Variants in MARCHF4 observed in about 807,000 individuals in gnomAD.
The protein encoded by MARCHF4 is membrane associated ring-CH-type finger 4.
MARCHF4 carries 14 observed loss-of-function variants against 43.9 expected under a neutral mutation model. The ratio of observed to expected loss-of-function variants is 0.32; its 90% CI spans 0.21 to 0.50. MARCHF4 has a LOEUF of 0.50. Ranked by LOEUF, MARCHF4 falls within the 20% of genes least tolerant of loss-of-function variation. The pLI is 0.98. For synonymous variants in MARCHF4, 226 were observed against 213.3 expected, an observed-to-expected ratio of 1.06 and a Z score of -0.52; for missense variants, 468 against 536.7, an observed-to-expected ratio of 0.87 and a Z score of 1.27.
chr2:216,354,941 T>TTCTTTCTTTC (rs1559106628), intron 1 of MARCHF4, among the ~76,000 whole-genome samples: 3 of 141,356 alleles, frequency 2.1e-5, no homozygotes, highest in African/African-American at 8.1e-5. Flanking sequence ...CTTTCTTTCT[T>TTCTTTCTTTC]TCTTTCTTTC....
At chr2:216,288,077 C>G (rs1691246272) in intron 1 of MARCHF4, among the ~76,000 whole-genome samples, 1 of 152,202 alleles carries the variant, frequency 6.6e-6, no homozygotes, top group Non-Finnish European at 1.5e-5. Context: ...ATCCTCCCAC[C>G]TCAGCCTCTT....
At chr2:216,317,557 G>A (rs1691798866) in intron 1 of MARCHF4, among the ~76,000 whole-genome samples, 1 of 152,086 alleles carries the variant, frequency 6.6e-6, no homozygotes, top group Non-Finnish European at 1.5e-5. Flanking sequence ...GAGATTACAG[G>A]TACAAGCCAC....
rs112448038 is a variant in MARCHF4, at chr2:216,275,322, C to T, written c.865+2350G>A. Among the ~76,000 whole-genome samples, 1,025 of 152,266 alleles carry T rather than the reference C, an allele frequency of 6.7e-3. 11 individuals are homozygous for T. Among genetic ancestry groups the T allele is most frequent in the African/African-American group, 0.023 (970 of 41,552 alleles). ...CCATGAGAAGAAGAGACCAGAGCACCAGGCCAGGCTGAGCGGGAGTGCTGG... is the reference window on the plus strand; with the variant it reads ...CCATGAGAAGAAGAGACCAGAGCACTAGGCCAGGCTGAGCGGGAGTGCTGG... On this transcript the variant is annotated intron_variant, in intron 3 of 3. Transcript: ENST00000273067.
At chr2:216,286,154 C>T (rs999647837) in intron 1 of MARCHF4, among the ~76,000 whole-genome samples, 8 of 152,230 alleles carry the variant, frequency 5.3e-5, no homozygotes, top group African/African-American at 1.9e-4. Context: ...GACTATGCTG[C>T]TTCCCCTCCA....
At chr2:216,320,639 CTTTCTTTCT>C (rs1559098569) in intron 1 of MARCHF4, among the ~76,000 whole-genome samples, 1 of 119,706 alleles carries the variant, frequency 8.4e-6, no homozygotes, top group South Asian at 3.3e-4. Flanking sequence ...TTCTTTCTTT[CTTTCTTTCT>C]TTCTTTCTTT....
At chr2:216,302,975 C>T (rs76074366) in intron 1 of MARCHF4, among the ~76,000 whole-genome samples, 9,955 of 150,954 alleles carry the variant, frequency 0.066, 1,108 homozygotes, top group African/African-American at 0.23. Context: ...TATAAAGGAT[C>T]CTAATTTGTA....
chr2:216,359,338 T>C lies in MARCHF4; in HGVS notation c.516+10407A>G, dbSNP rs116102664. On this transcript the variant is annotated intron_variant, in intron 1 of 3. Coordinates refer to ENST00000273067, the MANE Select transcript of MARCHF4 (RefSeq NM_020814.3). ...CTACAAAGAAGAGAATGAATTATTA[T>C]TTTTATTATTTTTTCCTCTTCTTTT... Among the ~76,000 whole-genome samples, 900 of 152,354 alleles carry C rather than the reference T, an allele frequency of 5.9e-3. 7 individuals are homozygous for C. The highest frequency in any genetic ancestry group is 0.02 in the African/African-American group (845 of 41,580).
At chr2:216,353,298 C>T (rs1346981961) in intron 1 of MARCHF4, among the ~76,000 whole-genome samples, 1 of 152,194 alleles carries the variant, frequency 6.6e-6, no homozygotes, top group Non-Finnish European at 1.5e-5. Flanking sequence ...CACCCATTCT[C>T]TTTGATCGCT....
intron 1 of MARCHF4, among the ~76,000 whole-genome samples, chr2:216,361,236 T>TC (rs756516642): frequency 0.08 from 12,172 of 152,160 alleles, 705 homozygotes; most frequent in South Asian, 0.24. Context: ...TAAAGATATA[T>TC]TATCACTATG....
chr2:216,317,659 C>A (rs370384738), intron 1 of MARCHF4, among the ~76,000 whole-genome samples: 1 of 152,182 alleles, frequency 6.6e-6, no homozygotes, highest in Admixed American at 6.5e-5. Flanking sequence ...AGTGATCCAC[C>A]CCCCTTGGCC....
intron 1 of MARCHF4, among the ~76,000 whole-genome samples, chr2:216,365,092 A>G (rs1394797578): frequency 6.6e-6 from 1 of 152,196 alleles, no homozygotes; most frequent in African/African-American, 2.4e-5. Context: ...AAACCATAGC[A>G]CTAAGACGAG....
intron 1 of MARCHF4, among the ~76,000 whole-genome samples, chr2:216,307,997 A>G (rs1374900690): frequency 6.6e-6 from 1 of 152,198 alleles, no homozygotes; most frequent in Non-Finnish European, 1.5e-5. Context: ...TCAAGGCTGC[A>G]GTGAGCTATG....
At chr2:216,363,780 C>T (rs1218997764) in intron 1 of MARCHF4, among the ~76,000 whole-genome samples, 1 of 152,134 alleles carries the variant, frequency 6.6e-6, no homozygotes, top group Non-Finnish European at 1.5e-5. Flanking sequence ...GCTGGCAACA[C>T]CTTAGGATTT....
chr2:216,350,359 G>A (rs979288968), intron 1 of MARCHF4, among the ~76,000 whole-genome samples: 13 of 119,984 alleles, frequency 1.1e-4, no homozygotes, highest in African/African-American at 4.3e-4. Flanking sequence ...CCTTCATTAC[G>A]CCACACTCCC....
intron 1 of MARCHF4, among the ~76,000 whole-genome samples, chr2:216,336,587 T>C (rs1422308834): frequency 1.3e-5 from 2 of 152,170 alleles, no homozygotes; most frequent in Admixed American, 1.3e-4. Flanking sequence ...GCTTGTTCTA[T>C]CTGTCTGTCT....
intron 1 of MARCHF4, among the ~76,000 whole-genome samples, chr2:216,342,810 ATGCCTGCTGCTCCTG>A (rs1692256838): frequency 6.6e-6 from 1 of 152,148 alleles, no homozygotes; most frequent in Non-Finnish European, 1.5e-5. Context: ...CCCTTCCAGG[ATGCCTGCTGCTCCTG>A]GGTTCCAGTC....
intron 1 of MARCHF4, among the ~76,000 whole-genome samples, chr2:216,311,258 G>A (rs1446220073): frequency 5.3e-5 from 8 of 150,930 alleles, no homozygotes; most frequent in Admixed American, 5.3e-4. Context: ...TTTTTTTTTG[G>A]GTGGGGGGGA....
At chr2:216,345,845 T>C (rs1692311351) in intron 1 of MARCHF4, among the ~76,000 whole-genome samples, 1 of 152,136 alleles carries the variant, frequency 6.6e-6, no homozygotes, top group South Asian at 2.1e-4. Context: ...CCTGAGAAGC[T>C]CTATGCTAGA....
chr2:216,365,920 A>G (rs1200212862), intron 1 of MARCHF4, among the ~76,000 whole-genome samples: 2 of 152,216 alleles, frequency 1.3e-5, no homozygotes, highest in Non-Finnish European at 2.9e-5. Flanking sequence ...TAGGTGCTTA[A>G]TAAAGACTTT....
Sources: gnomAD v4.1 joint callset for allele counts (sites outside exome capture counted in the v4.1 genomes callset) on GRCh38, gnomAD v4.1.1 for gene constraint, MANE v1.5 for transcripts, NCBI Gene and HGNC (gene_info 2026-07-23, HGNC 2026-07-21) for gene names.